PIEZO2: variants seen among roughly 807,000 people sequenced by gnomAD.
The protein encoded by PIEZO2 is piezo-type mechanosensitive ion channel component 2.
PIEZO2 carries 172 observed loss-of-function variants against 337.3 expected under a neutral mutation model. That is an observed-to-expected ratio of 0.51 (90% CI 0.45 to 0.58). The LOEUF is 0.58. Ranked by LOEUF, PIEZO2 falls within the 20% of genes least tolerant of loss-of-function variation. The probability of loss-of-function intolerance (pLI) is 0.00; values close to 1 mark genes in which losing one functional copy is unlikely to be tolerated. For synonymous variants in PIEZO2, 1,251 were observed against 1,228.5 expected (o/e 1.02, Z -0.38); for missense variants, 3,028 against 3,391.3 (o/e 0.89, Z 2.66).
At chr18:11,093,434 T>G (rs11876779) in intron 1 of PIEZO2, among the ~76,000 whole-genome samples, 18,061 of 152,250 alleles carry the variant, frequency 0.12, 1,118 homozygotes, top group African/African-American at 0.13. Context: ...AAAACAGGCT[T>G]CTTCTGATGA....
At position 10,707,858 on chromosome 18, in the gene PIEZO2, T is replaced by G. The variant is rs1001911748; in HGVS notation, c.5588+417A>C. On this transcript the variant is annotated intron_variant, in intron 40 of 55. Coordinates refer to ENST00000674853, the MANE Select transcript of PIEZO2 (RefSeq NM_001378183.1). This position sits in a 1 kb window ranked among gnomAD's most constrained non-coding sequence, Gnocchi z 4.2. ...ACCTATGATAGATTTTTAGATTTTT[T>G]TCCTACTGCATGCATCTTTTGATTA... Among the ~76,000 whole-genome samples, 1 of 152,226 alleles carries G rather than the reference T, an allele frequency of 6.6e-6. No individual in the cohort carries two copies. Among genetic ancestry groups the G allele is most frequent in the African/African-American group, 2.4e-5 (1 of 41,460 alleles).
intron 18 of PIEZO2, among the ~76,000 whole-genome samples, chr18:10,776,987 A>C (rs2038812432): frequency 6.6e-6 from 1 of 152,194 alleles, no homozygotes; most frequent in Non-Finnish European, 1.5e-5. Flanking sequence ...ATAATTCTTT[A>C]CTGAATATCA....
intron 47 of PIEZO2, among the ~76,000 whole-genome samples, chr18:10,692,796 G>C (rs1367515620): frequency 1.3e-5 from 2 of 152,288 alleles, no homozygotes; most frequent in East Asian, 3.9e-4. Context: ...AGGGCAGGAA[G>C]AATAAGTGCT....
chr18:10,766,427 A>G lies in PIEZO2; in HGVS notation c.2947-3329T>C, dbSNP rs2865126. 0.81 allele frequency among the ~76,000 whole-genome samples: 123,399 copies of G among 152,192 alleles called. 50,182 individuals are homozygous for G. Among genetic ancestry groups the G allele is most frequent in the East Asian group, 0.91 (4,719 of 5,170 alleles). Reference sequence around the variant, plus strand: ...TAGGGAAATAGATGCTGGTCCACGTACATAACAACTGTCCAGGTGATTCTT... The same window carrying G: ...TAGGGAAATAGATGCTGGTCCACGTGCATAACAACTGTCCAGGTGATTCTT... On this transcript the variant is annotated intron_variant, in intron 21 of 55. Transcript: ENST00000674853. This position sits in a 1 kb window ranked among gnomAD's most constrained non-coding sequence, Gnocchi z 6.1.
rs9955301 is a variant in PIEZO2 at position 10,781,209 on chromosome 18, G to A, written c.2493-843C>T. 0.25 allele frequency among the ~76,000 whole-genome samples: 38,439 copies of A among 151,908 alleles called. 4,983 individuals carry two copies. The highest frequency in any genetic ancestry group is 0.34 in the East Asian group (1,770 of 5,148). ...AATATGGCCGGGTGTGGTGGCTCAC[G>A]CCTGTAATCCCAGCACTTTGGGAAG... On this transcript the variant is annotated intron_variant, in intron 17 of 55. Transcript: ENST00000674853. This position sits in a 1 kb window ranked among gnomAD's most constrained non-coding sequence, Gnocchi z 4.1.
rs572626785 is a variant in PIEZO2, at chr18:11,016,611, C to A, written c.161-36951G>T. On this transcript the variant is annotated intron_variant, in intron 2 of 55. Coordinates refer to ENST00000674853, the MANE Select transcript of PIEZO2 (RefSeq NM_001378183.1). The surrounding 1 kb of genome is among the most constrained non-coding windows in gnomAD (Gnocchi z 5.6). ...GTGATAACTCAAGGTAAAAAGAAAA[C>A]AAATGCTGGGATTCTGAATACAATC... Among the ~76,000 whole-genome samples the A allele has an allele frequency of 6.6e-6, 1 of 152,204 alleles. No homozygotes were observed. Among genetic ancestry groups the A allele is most frequent in the South Asian group, 2.1e-4 (1 of 4,822 alleles).
intron 22 of PIEZO2, 143 bp from the exon 23 acceptor site, chr18:10,762,768 CG>C: frequency 7.6e-7 from 1 of 1,313,736 alleles, no homozygotes; most frequent in Non-Finnish European, 1.0e-6. Context: ...CAGTATGAGA[CG>C]AGGCTTAACA....
Position 10,729,491 on chromosome 18 carries a change from G to A in PIEZO2, c.5029+1916C>T, listed in dbSNP as rs115524601. On this transcript the variant is annotated intron_variant, in intron 36 of 55. Coordinates refer to ENST00000674853, the MANE Select transcript of PIEZO2 (RefSeq NM_001378183.1). ...AATACAAACATTGCTAGGCGTGGTG[G>A]TGTGCGCCTATAGTCTCAGCTGCTC... 6.6e-3 allele frequency among the ~76,000 whole-genome samples: 1,005 copies of A among 152,096 alleles called. 12 individuals carry two copies. Among genetic ancestry groups the A allele is most frequent in the African/African-American group, 0.023 (952 of 41,470 alleles).
chr18:11,057,267 A>G (rs1033464163), intron 2 of PIEZO2, among the ~76,000 whole-genome samples: 11 of 152,086 alleles, frequency 7.2e-5, no homozygotes, highest in Admixed American at 3.3e-4. Context: ...TAAATCTTCC[A>G]TCCCCTTCAG....
chr18:10,704,280 A>C lies in PIEZO2; in HGVS notation c.6258+114T>G, dbSNP rs576273512. ...TCTGTGGAACTGCATGTTCCATGTG[A>C]AACTGTCTGGGATCAGGGCAGGCCC... On this transcript the variant is annotated intron_variant, in intron 42 of 55. Transcript: ENST00000674853. The C allele has an allele frequency of 7.4e-6, 10 of 1,347,580 alleles. No homozygotes were observed. In the African/African-American group the frequency reaches 1.5e-4, roughly 20 times the overall value. 83.5% of individuals were successfully genotyped at this position (1,347,580 alleles called of 1,614,324 possible). A position where few individuals can be genotyped will look rare whatever the true frequency, so the allele number is the denominator to read the frequency against.
intron 2 of PIEZO2, among the ~76,000 whole-genome samples, chr18:11,060,527 A>C (rs974573941): frequency 3.3e-5 from 5 of 152,336 alleles, no homozygotes; most frequent in Admixed American, 6.5e-5. Context: ...AATAAAGAAG[A>C]AAAGAGAGAA....
intron 55 of PIEZO2, 130 bp from the exon 56 acceptor site, chr18:10,671,909 AT>A: frequency 2.3e-6 from 2 of 852,832 alleles, no homozygotes; most frequent in Non-Finnish European, 3.3e-6. Flanking sequence ...CAAATCTTAC[AT>A]TTTTTCCCTT....
intron 3 of PIEZO2, among the ~76,000 whole-genome samples, chr18:10,966,671 A>G (rs563585692): frequency 1.8e-4 from 27 of 152,148 alleles, no homozygotes; most frequent in African/African-American, 6.5e-4. Flanking sequence ...GTTTGGTTAC[A>G]TGAATAAGTT....
chr18:10,765,500 A>G (rs1358762275), intron 21 of PIEZO2, among the ~76,000 whole-genome samples: 1 of 152,172 alleles, frequency 6.6e-6, no homozygotes, highest in Non-Finnish European at 1.5e-5. Context: ...CCCTGTGGGA[A>G]GACTATTCTG....
chr18:11,085,354 A>T (rs903816396), intron 1 of PIEZO2, among the ~76,000 whole-genome samples: 32 of 151,548 alleles, frequency 2.1e-4, no homozygotes, highest in African/African-American at 7.0e-4. Context: ...CACAACACAG[A>T]CTCCAGTCAC....
In PIEZO2 at chr18:10,813,074, G is replaced by A. The variant is rs1204650080; in HGVS notation, c.918-5800C>T. Among the ~76,000 whole-genome samples, 1 of 150,922 alleles carries A rather than the reference G, an allele frequency of 6.6e-6. No homozygotes were observed. Among genetic ancestry groups the A allele is most frequent in the Non-Finnish European group, 1.5e-5 (1 of 67,932 alleles). ...TGCTCACTGCAACCTCTGCCTCCCCGGCTCAAGTGATTCTCCTGCCTCAGC... is the reference window on the plus strand; with the variant it reads ...TGCTCACTGCAACCTCTGCCTCCCCAGCTCAAGTGATTCTCCTGCCTCAGC... On this transcript the variant is annotated intron_variant, in intron 7 of 55. Coordinates refer to ENST00000674853, the MANE Select transcript of PIEZO2 (RefSeq NM_001378183.1). The surrounding 1 kb of genome is among the most constrained non-coding windows in gnomAD (Gnocchi z 4.2).
chr18:10,921,464 C>G (rs1198657987), intron 3 of PIEZO2, among the ~76,000 whole-genome samples: 1 of 152,178 alleles, frequency 6.6e-6, no homozygotes, highest in Non-Finnish European at 1.5e-5. Flanking sequence ...TTCATGGACA[C>G]TTATCACTTC....
rs1393307674 is a variant in PIEZO2, at chr18:10,704,394, C to T, written c.6258G>A (p.Glu2086=). 1.3e-6 allele frequency: 2 copies of T among 1,537,110 alleles called. No homozygotes were observed. The highest frequency in any genetic ancestry group is 2.0e-5 in the Admixed American group (1 of 51,004). The change falls in exon 42 of 56, where the codon GAG becomes GAA. Residue 2086 remains glutamate, a splice_region_variant and synonymous_variant. Coordinates refer to ENST00000674853, the MANE Select transcript of PIEZO2 (RefSeq NM_001378183.1). ...RFWMMAIVYT[E]VAIVVKYFFQ... is the part of the protein sequence containing the mutation. ...CACAGGGGTCTGCGTCCAGGCCTAC[C>T]TCAGTATAGACGATGGCCATCATCC...
chr18:10,935,219 A>G (rs541252928), intron 3 of PIEZO2, among the ~76,000 whole-genome samples: 124 of 152,218 alleles, frequency 8.1e-4, no homozygotes, highest in African/African-American at 2.9e-3. Context: ...GCTGTGGGAG[A>G]CCTGCAGAAA....
Sources: gnomAD v4.1 joint callset for allele counts (sites outside exome capture counted in the v4.1 genomes callset) on GRCh38, gnomAD v4.1.1 for gene constraint, Gnocchi (gnomAD v3.1) non-coding constraint, MANE v1.5 for transcripts, NCBI Gene and HGNC (gene_info 2026-07-23, HGNC 2026-07-21) for gene names.